SPATA13: variants seen among roughly 807,000 people sequenced by gnomAD.
SPATA13 encodes the protein spermatogenesis-associated protein 13.
Under a neutral mutation model 104.0 loss-of-function variants are expected in SPATA13, and 50 were observed. The ratio of observed to expected loss-of-function variants is 0.48; its 90% CI spans 0.38 to 0.61. SPATA13 has a LOEUF of 0.61. Among genes scored for constraint, SPATA13 ranks in the 20% least tolerant of loss-of-function variants. The pLI is 0.00. For missense variants in SPATA13, 1,524 were observed against 1,690.6 expected (o/e 0.90, Z 1.73); for synonymous variants, 606 against 667.5 (o/e 0.91, Z 1.42).
intron 11 of SPATA13, among the ~76,000 whole-genome samples, chr13:24,298,599 G>A (rs1159212847): frequency 2.0e-5 from 3 of 152,170 alleles, no homozygotes; most frequent in Non-Finnish European, 4.4e-5. Flanking sequence ...CACAGTGAAG[G>A]ATATTCATCT....
At chr13:24,123,632 A>G in intron 3 of SPATA13, 1 of 1,604,976 alleles carries the variant, frequency 6.2e-7, no homozygotes, top group Non-Finnish European at 8.5e-7. Flanking sequence ...CAGCAGTGGT[A>G]GGAGAAATGA....
chr13:24,249,480 G>A lies in SPATA13; in HGVS notation c.1657G>A (p.Val553Ile), dbSNP rs527302064. ...GPEEKEKEEV[V>I]PDGPWRRSSS... ...CTGACCTGTTCGCATTTGAAAGGTC[G>A]TCCCTGATGGCCCCTGGAGGCGAAG... Residue 553 changes from valine to isoleucine, a missense_variant, in exon 3 of 13, where the codon GTC (valine) becomes ATC (isoleucine). Coordinates refer to ENST00000382108, the MANE Select transcript of SPATA13 (RefSeq NM_001166271.3). 1.2e-4 allele frequency: 188 copies of A among 1,552,836 alleles called. No individual in the cohort carries two copies. Among genetic ancestry groups the A allele is most frequent in the Non-Finnish European group, 1.4e-4 (164 of 1,147,400 alleles).
upstream of SPATA13, among the ~76,000 whole-genome samples, chr13:24,159,058 A>C (rs1489497990): frequency 2.0e-5 from 3 of 152,190 alleles, no homozygotes; most frequent in African/African-American, 7.2e-5. Flanking sequence ...TTAAAAGAAA[A>C]ATCAAAATCT....
intron 3 of SPATA13, among the ~76,000 whole-genome samples, chr13:24,101,947 G>C (rs1304381469): frequency 6.6e-6 from 1 of 152,164 alleles, no homozygotes; most frequent in African/African-American, 2.4e-5. Flanking sequence ...ACACATGGGT[G>C]GGCGAATATC....
At chr13:24,097,611 TA>T (rs1333067159) in intron 3 of SPATA13, among the ~76,000 whole-genome samples, 3 of 152,008 alleles carry the variant, frequency 2.0e-5, no homozygotes, top group Non-Finnish European at 4.4e-5. Flanking sequence ...ACAGCAAAAC[TA>T]GGTGCAAGAT....
chr13:24,055,281 G>T (rs1356662559), intron 3 of SPATA13, among the ~76,000 whole-genome samples: 1 of 152,190 alleles, frequency 6.6e-6, no homozygotes, highest in Non-Finnish European at 1.5e-5. Flanking sequence ...TGTTATAGAT[G>T]TTATGTATTC....
intron 1 of SPATA13, among the ~76,000 whole-genome samples, chr13:23,983,004 G>T (rs918373967): frequency 3.3e-5 from 5 of 152,230 alleles, no homozygotes; most frequent in Non-Finnish European, 5.9e-5. Flanking sequence ...GTGAAAGGAG[G>T]AGCTGGAGAG....
intron 4 of SPATA13, among the ~76,000 whole-genome samples, chr13:24,268,754 A>G (rs534376334): frequency 6.6e-6 from 1 of 152,300 alleles, no homozygotes; most frequent in East Asian, 1.9e-4. Flanking sequence ...GCAAGACTCC[A>G]TCTCAAAATG....
chr13:24,144,667 C>T lies in SPATA13; in HGVS notation c.-111-78152C>T, dbSNP rs138599456. Among the ~76,000 whole-genome samples the T allele has an allele frequency of 5.8e-3, 864 of 149,742 alleles. 4 individuals carry two copies. Among genetic ancestry groups the T allele is most frequent in the African/African-American group, 0.02 (821 of 40,734 alleles). On this transcript the variant is annotated intron_variant, in intron 3 of 14. Transcript: ENST00000424834. ...CGTCCGGGTTGCAGCACACCAGCCC[C>T]GCTGCAGCAGCCACCGAGAGAGGAT...
intron 3 of SPATA13, chr13:24,123,214 C>G (rs892427526): frequency 1.1e-5 from 17 of 1,572,410 alleles, no homozygotes; most frequent in Admixed American, 1.7e-5. Context: ...TTAGCTTTTT[C>G]TTGATTGCTG....
intron 2 of SPATA13, among the ~76,000 whole-genome samples, chr13:24,016,654 C>G (rs999829294): frequency 2.0e-5 from 3 of 152,352 alleles, no homozygotes; most frequent in African/African-American, 2.4e-5. Context: ...CGCTCCCTCT[C>G]CTTCCTGGCT....
At chr13:24,262,570 C>G (rs923731598) in intron 4 of SPATA13, among the ~76,000 whole-genome samples, 3 of 152,096 alleles carry the variant, frequency 2.0e-5, no homozygotes, top group African/African-American at 7.2e-5. Context: ...ACCTTTGGGT[C>G]AAAAAGTGAG....
intron 1 of SPATA13, among the ~76,000 whole-genome samples, chr13:24,220,655 T>A (rs535224029): frequency 6.6e-6 from 1 of 152,348 alleles, no homozygotes; most frequent in Admixed American, 6.5e-5. Context: ...TCTGGCCCCC[T>A]AATTCCTCCA....
At chr13:24,178,821 T>C (rs1242884698) in intron 1 of SPATA13, among the ~76,000 whole-genome samples, 1 of 152,194 alleles carries the variant, frequency 6.6e-6, no homozygotes, top group African/African-American at 2.4e-5. Flanking sequence ...AAGTATATAA[T>C]TCAGTTGTTT....
chr13:24,167,649 A>T (rs755338940), intron 1 of SPATA13, among the ~76,000 whole-genome samples: 6 of 152,196 alleles, frequency 3.9e-5, no homozygotes, highest in Admixed American at 1.3e-4. Context: ...CCAACCAATC[A>T]GTTGTACCCA....
intron 3 of SPATA13, among the ~76,000 whole-genome samples, chr13:24,079,246 T>C (rs557841531): frequency 1.1e-4 from 17 of 152,262 alleles, no homozygotes; most frequent in African/African-American, 3.4e-4. Flanking sequence ...GAACTGGAGA[T>C]GTAAACAGGA....
At chr13:24,198,212 C>G (rs1232576477) in intron 1 of SPATA13, among the ~76,000 whole-genome samples, 1 of 152,086 alleles carries the variant, frequency 6.6e-6, no homozygotes, top group Non-Finnish European at 1.5e-5. Context: ...CCAGGCTGGT[C>G]TTGAACTCCT....
At chr13:24,186,368 T>C (rs983962175) in intron 1 of SPATA13, among the ~76,000 whole-genome samples, 31 of 152,216 alleles carry the variant, frequency 2.0e-4, no homozygotes, top group African/African-American at 7.0e-4. Context: ...AGGTCAGAGG[T>C]TTACGATATG....
intron 1 of SPATA13, among the ~76,000 whole-genome samples, chr13:24,175,789 G>A (rs148253359): frequency 8.9e-4 from 135 of 152,264 alleles, no homozygotes; most frequent in African/African-American, 3.1e-3. Flanking sequence ...AGAGAGACAC[G>A]GATCTAGGTG....
Sources: gnomAD v4.1 joint callset for allele counts (sites outside exome capture counted in the v4.1 genomes callset) on GRCh38, gnomAD v4.1.1 for gene constraint, MANE v1.5 for transcripts, NCBI Gene and HGNC (gene_info 2026-07-23, HGNC 2026-07-21) for gene names.